The following CDC14A variants were observed in gnomAD, a reference collection of about 807,000 sequenced individuals.
CDC14A encodes the protein dual specificity protein phosphatase CDC14A.
Under a neutral mutation model 74.4 loss-of-function variants are expected in CDC14A, and 53 were observed. The observed-to-expected ratio is 0.71, with a 90% CI of 0.57 to 0.89. The LOEUF (loss-of-function observed/expected upper bound fraction) is 0.89, where lower values mean the gene tolerates loss of function less well. Among genes scored for constraint, CDC14A ranks in the 40% least tolerant of loss-of-function variants. The probability of loss-of-function intolerance (pLI) is 0.00; values close to 1 mark genes in which losing one functional copy is unlikely to be tolerated. For synonymous variants in CDC14A, 247 were observed against 258.4 expected (o/e 0.96, Z 0.43); for missense variants, 646 against 713.7 (o/e 0.91, Z 1.08).
chr1:100,353,905 C>T (rs774660391), intron 2 of CDC14A, 53 bp downstream of exon 2: 78 of 977,292 alleles, frequency 8.0e-5, no homozygotes, highest in Non-Finnish European at 1.2e-4. Context: ...TGTTCTTTGA[C>T]GAGGAAACAC....
chr1:100,509,838 G>A (rs1458493976), intron 15 of CDC14A, among the ~76,000 whole-genome samples: 2 of 152,206 alleles, frequency 1.3e-5, no homozygotes, highest in Non-Finnish European at 2.9e-5. Flanking sequence ...GCAGACTGTT[G>A]TGAGTCCTTC....
Position 100,352,958 on chromosome 1 carries a change from G to A in CDC14A, c.4G>A (p.Ala2Thr). Residue 2 changes from alanine (A) to threonine (T), a missense_variant, in exon 1 of 16, where the codon GCA becomes ACA. Physicochemically the swap from Ala to Thr is moderately conservative, Grantham distance 58 (BLOSUM62 0). Transcript: ENST00000336454. The part of the protein sequence containing the change: M[A>T]AESGELIGAC... ...CCCCGTGCGTATCTCGCTTAAGATG[G>A]CAGCGGAGTCAGGGGAACTAATCGG... 1.2e-6 allele frequency: 2 copies of A among 1,613,998 alleles called. No homozygotes were observed. Among genetic ancestry groups the A allele is most frequent in the Non-Finnish European group, 8.5e-7 (1 of 1,180,002 alleles).
Position 100,375,714 on chromosome 1 carries a change from T to C in CDC14A, c.141-1832T>C, listed in dbSNP as rs140106076. On this transcript the variant is annotated intron_variant, in intron 2 of 15. Coordinates refer to ENST00000336454, the MANE Select transcript of CDC14A (RefSeq NM_003672.4). The stretch of plus-strand genomic sequence containing the variant: ...CACTGTTGGTAGGACTGTAAACTAG[T>C]TCAACCATTGTGGAAGACAGTGTGG... Among the ~76,000 whole-genome samples, 525 of 152,342 alleles carry C rather than the reference T, an allele frequency of 3.4e-3. 5 individuals carry two copies. The highest frequency in any genetic ancestry group is 0.012 in the African/African-American group (490 of 41,570).
At chr1:100,435,603 C>T (rs1357419468) in intron 5 of CDC14A, among the ~76,000 whole-genome samples, 2 of 151,932 alleles carry the variant, frequency 1.3e-5, no homozygotes, top group African/African-American at 4.8e-5. Context: ...CCGAGGTGGG[C>T]GGATCGCCTG....
intron 8 of CDC14A, among the ~76,000 whole-genome samples, chr1:100,460,003 G>A (rs1187830720): frequency 2.0e-5 from 3 of 152,146 alleles, no homozygotes; most frequent in South Asian, 4.1e-4. Flanking sequence ...CTTGAAATTA[G>A]CCCCAGCATG....
intron 4 of CDC14A, among the ~76,000 whole-genome samples, chr1:100,403,205 C>A (rs1321772253): frequency 6.6e-6 from 1 of 152,214 alleles, no homozygotes; most frequent in Non-Finnish European, 1.5e-5. Flanking sequence ...CACACACATA[C>A]ACACACGCCA....
intron 3 of CDC14A, among the ~76,000 whole-genome samples, chr1:100,384,421 A>G (rs1169838623): frequency 6.6e-6 from 1 of 152,224 alleles, no homozygotes; most frequent in Non-Finnish European, 1.5e-5. Flanking sequence ...TGTAATTAGT[A>G]TCATTTTATT....
At chr1:100,411,952 A>G (rs145043512) in intron 4 of CDC14A, among the ~76,000 whole-genome samples, 1 of 152,294 alleles carries the variant, frequency 6.6e-6, no homozygotes, top group African/African-American at 2.4e-5. Context: ...AGAACATTCT[A>G]GGCAGAGAAC....
chr1:100,506,194 A>G (rs1282757274), intron 15 of CDC14A, among the ~76,000 whole-genome samples: 1 of 152,208 alleles, frequency 6.6e-6, no homozygotes, highest in Non-Finnish European at 1.5e-5. Flanking sequence ...AATATTGTTA[A>G]ATATTAACTA....
At chr1:100,506,689 A>T (rs1294968998) in intron 15 of CDC14A, among the ~76,000 whole-genome samples, 2 of 152,216 alleles carry the variant, frequency 1.3e-5, no homozygotes, top group Non-Finnish European at 2.9e-5. Flanking sequence ...GTTGATCAGA[A>T]ATATATAATA....
At chr1:100,451,399 C>T (rs1043753126) in intron 7 of CDC14A, among the ~76,000 whole-genome samples, 2 of 152,252 alleles carry the variant, frequency 1.3e-5, no homozygotes, top group South Asian at 2.1e-4. Flanking sequence ...TCCACCACAC[C>T]GTCTCCCTCA....
chr1:100,425,857 A>G (rs1228663002), intron 5 of CDC14A, among the ~76,000 whole-genome samples: 1 of 152,162 alleles, frequency 6.6e-6, no homozygotes, highest in Non-Finnish European at 1.5e-5. Context: ...GTTCTAAGCA[A>G]AGTGGTTAGG....
chr1:100,349,283 G>C (rs1650708782), upstream of CDC14A, among the ~76,000 whole-genome samples: 2 of 151,422 alleles, frequency 1.3e-5, no homozygotes, highest in South Asian at 4.2e-4. Context: ...CCTTCCTTTT[G>C]TGCAGTTGAG....
chr1:100,508,674 G>A lies in CDC14A; in HGVS notation c.1755+9412G>A, dbSNP rs1490727708. Among the ~76,000 whole-genome samples, 2 of 152,254 alleles carry A rather than the reference G, an allele frequency of 1.3e-5. No homozygotes were observed. The highest frequency in any genetic ancestry group is 2.1e-4 in the South Asian group (1 of 4,824). The stretch of plus-strand genomic sequence containing the variant: ...TGTGGCTCCATCTCAGCCCTGGCCC[G>A]AGGGCAATGGTCCCAATTTCTCTCA... On this transcript the variant is annotated intron_variant, in intron 15 of 15. Transcript: ENST00000336454. This position sits in a 1 kb window ranked among gnomAD's most constrained non-coding sequence, Gnocchi z 4.4.
At chr1:100,463,504 G>A (rs942419593) in intron 9 of CDC14A, among the ~76,000 whole-genome samples, 20 of 152,068 alleles carry the variant, frequency 1.3e-4, no homozygotes, top group African/African-American at 4.8e-4. Flanking sequence ...GGATACTTTG[G>A]GGCAGGAATT....
intron 5 of CDC14A, among the ~76,000 whole-genome samples, chr1:100,435,058 C>CTGTGTCTG (rs1198618489): frequency 6.6e-6 from 1 of 152,194 alleles, no homozygotes; most frequent in Non-Finnish European, 1.5e-5. Flanking sequence ...GCCCAGCAGC[C>CTGTGTCTG]TGTGTCTGTG....
chr1:100,367,706 T>C (rs139339043), intron 2 of CDC14A, among the ~76,000 whole-genome samples: 1,804 of 152,290 alleles, frequency 0.012, 17 homozygotes, highest in Middle Eastern at 0.02. Flanking sequence ...TTTGACTGAA[T>C]TTTTTTAGTG....
chr1:100,468,345 A>G (rs1668052478), intron 10 of CDC14A, among the ~76,000 whole-genome samples: 1 of 151,868 alleles, frequency 6.6e-6, no homozygotes, highest in Admixed American at 6.6e-5. Context: ...TTTTTCTGTC[A>G]TTTTCTATGT....
At chr1:100,391,106 C>A in intron 4 of CDC14A, 3 of 407,210 alleles carry the variant, frequency 7.4e-6, no homozygotes, top group African/African-American at 2.1e-5. Context: ...CTACCAAGGA[C>A]ATTTCTAGGA....
Sources: allele counts gnomAD v4.1 joint callset (sites outside exome capture counted in the v4.1 genomes callset), GRCh38; gene constraint gnomAD v4.1.1; non-coding constraint Gnocchi (gnomAD v3.1); transcripts MANE v1.5; gene names NCBI Gene and HGNC (gene_info 2026-07-23, HGNC 2026-07-21).